The following ARB2A variants were observed in gnomAD, a reference collection of about 807,000 sequenced individuals.
ARB2A encodes the protein cotranscriptional regulator ARB2A.
At chr5:93,897,986 G>T in the ARB2A span, among the ~76,000 whole-genome samples, 2 of 151,846 alleles carry the variant, frequency 1.3e-5, no homozygotes, top group African/African-American at 4.8e-5. Flanking sequence ...CATGTTCCCA[G>T]ATAAAAGTTA....
the ARB2A span, among the ~76,000 whole-genome samples, chr5:93,696,941 G>A: frequency 6.6e-6 from 1 of 151,138 alleles, no homozygotes; most frequent in African/African-American, 2.4e-5. Flanking sequence ...GGGTGCCTGT[G>A]ATCCCAGCTA....
At chr5:93,664,353 T>C in the ARB2A span, among the ~76,000 whole-genome samples, 1 of 152,136 alleles carries the variant, frequency 6.6e-6, no homozygotes, top group Admixed American at 6.5e-5. Flanking sequence ...AATGCTGACA[T>C]TATAGGCATA....
At chr5:94,063,555 A>G in the ARB2A span, among the ~76,000 whole-genome samples, 1 of 152,090 alleles carries the variant, frequency 6.6e-6, no homozygotes, top group African/African-American at 2.4e-5. Context: ...GAGATCCAAC[A>G]ATCAACTGCA....
At chr5:93,807,907 T>C in the ARB2A span, among the ~76,000 whole-genome samples, 8 of 151,964 alleles carry the variant, frequency 5.3e-5, no homozygotes, top group Non-Finnish European at 1.0e-4. Context: ...CAGTAAAGTT[T>C]TACCTTCTCC....
At chr5:94,080,824 G>A in the ARB2A span, among the ~76,000 whole-genome samples, 3 of 151,992 alleles carry the variant, frequency 2.0e-5, no homozygotes, top group East Asian at 1.9e-4. Context: ...CCTTCCTTTC[G>A]CAAGTCCTGA....
At chr5:93,772,069 A>G in the ARB2A span, among the ~76,000 whole-genome samples, 1 of 152,370 alleles carries the variant, frequency 6.6e-6, no homozygotes, top group East Asian at 1.9e-4. Flanking sequence ...ATGTCCAACA[A>G]TGATAGACTG....
At chr5:93,847,732 T>TA in the ARB2A span, among the ~76,000 whole-genome samples, 4 of 152,200 alleles carry the variant, frequency 2.6e-5, no homozygotes, top group Non-Finnish European at 5.9e-5. Context: ...TAACATGTAT[T>TA]AAACTACTAC....
chr5:93,921,961 G>A, the ARB2A span, among the ~76,000 whole-genome samples: 39 of 152,146 alleles, frequency 2.6e-4, no homozygotes, highest in African/African-American at 9.4e-4. Flanking sequence ...AGATGTCGAG[G>A]TGGTCTACTT....
the ARB2A span, among the ~76,000 whole-genome samples, chr5:93,821,626 AT>A: frequency 1.7e-4 from 25 of 151,412 alleles, no homozygotes; most frequent in Non-Finnish European, 2.4e-4. Context: ...ACTGAATAAC[AT>A]TTTTTTTCAG....
the ARB2A span, chr5:93,881,798 C>A: frequency 5.5e-6 from 3 of 540,742 alleles, no homozygotes; most frequent in Non-Finnish European, 9.1e-6. Context: ...GTTGCATATT[C>A]ATTAAAATAC....
the ARB2A span, among the ~76,000 whole-genome samples, chr5:93,642,693 T>A: frequency 1.7e-3 from 265 of 151,620 alleles, 1 homozygote; most frequent in African/African-American, 5.7e-3. Context: ...TTAAAAAAAA[T>A]TTTTTTTTGT....
At chr5:94,064,501 C>T in the ARB2A span, among the ~76,000 whole-genome samples, 6 of 152,178 alleles carry the variant, frequency 3.9e-5, no homozygotes, top group East Asian at 1.2e-3. Context: ...ACATAAATCC[C>T]CAATCAAATA....
the ARB2A span, among the ~76,000 whole-genome samples, chr5:93,654,830 C>T: frequency 1.3e-5 from 2 of 152,152 alleles, no homozygotes; most frequent in African/African-American, 4.8e-5. Context: ...CCTTCTGTTG[C>T]CAAAAGATAC....
chr5:93,944,134 G>A, the ARB2A span, among the ~76,000 whole-genome samples: 6 of 152,026 alleles, frequency 3.9e-5, no homozygotes, highest in African/African-American at 1.4e-4. Flanking sequence ...CAAAGAATTT[G>A]GTTATATATA....
chr5:93,962,328 A>G, the ARB2A span, among the ~76,000 whole-genome samples: 3 of 152,162 alleles, frequency 2.0e-5, no homozygotes, highest in Non-Finnish European at 4.4e-5. Flanking sequence ...TGAAGTTGTT[A>G]ATTCATGTCT....
chr5:94,069,117 G>C, the ARB2A span, among the ~76,000 whole-genome samples: 1 of 151,568 alleles, frequency 6.6e-6, no homozygotes, highest in Admixed American at 6.6e-5. Flanking sequence ...GCAGTATAGA[G>C]AACCCAGAAA....
the ARB2A span, among the ~76,000 whole-genome samples, chr5:93,651,225 T>G: frequency 1.3e-5 from 2 of 151,778 alleles, no homozygotes; most frequent in Non-Finnish European, 2.9e-5. Context: ...AGCCTTGGAC[T>G]CCTGGGCTCA....
the ARB2A span, among the ~76,000 whole-genome samples, chr5:93,637,139 A>G: frequency 6.6e-6 from 1 of 152,132 alleles, no homozygotes; most frequent in Non-Finnish European, 1.5e-5. Context: ...CTACAATTTT[A>G]TCATTTCCAG....
chr5:93,856,478 TTTC>T, the ARB2A span, among the ~76,000 whole-genome samples: 1 of 152,186 alleles, frequency 6.6e-6, no homozygotes, highest in Non-Finnish European at 1.5e-5. Context: ...GCTTTGTTCG[TTTC>T]TTTTTATTCT....
Sources: gnomAD v4.1 joint callset for allele counts (sites outside exome capture counted in the v4.1 genomes callset) on GRCh38, gnomAD v4.1.1 for gene constraint, MANE v1.5 for transcripts, NCBI Gene and HGNC (gene_info 2026-07-23, HGNC 2026-07-21) for gene names.